The following GPATCH2 variants were observed in gnomAD, a reference collection of about 807,000 sequenced individuals.
The protein encoded by GPATCH2 is G-patch domain containing 2, also known as G patch domain-containing protein 2.
Under a neutral mutation model 58.0 loss-of-function variants are expected in GPATCH2, and 51 were observed. The observed-to-expected ratio is 0.88, with a 90% CI of 0.70 to 1.11. GPATCH2 has a LOEUF of 1.11. Among genes scored for constraint, GPATCH2 ranks in the 50% most tolerant of loss-of-function variants. The probability of loss-of-function intolerance (pLI) is 0.00; values close to 1 mark genes in which losing one functional copy is unlikely to be tolerated. For synonymous variants in GPATCH2, 222 were observed against 218.5 expected (o/e 1.02, Z -0.14); for missense variants, 625 against 652.2 (o/e 0.96, Z 0.45).
intron 5 of GPATCH2, among the ~76,000 whole-genome samples, chr1:217,531,044 A>AAC (rs56751109): frequency 0.39 from 57,950 of 148,058 alleles, 11,230 homozygotes; most frequent in Non-Finnish European, 0.43. Flanking sequence ...CAGTTACACA[A>AAC]ACACACACAC....
intron 5 of GPATCH2, among the ~76,000 whole-genome samples, chr1:217,549,927 A>G (rs1571902176): frequency 6.6e-6 from 1 of 152,196 alleles, no homozygotes. Flanking sequence ...CAATTGCTTT[A>G]AATTATATAC....
At chr1:217,616,816 C>A (rs1030376467) in intron 2 of GPATCH2, among the ~76,000 whole-genome samples, 4 of 152,112 alleles carry the variant, frequency 2.6e-5, no homozygotes, top group Non-Finnish European at 5.9e-5. Flanking sequence ...TATATGTACA[C>A]TAATATCAAT....
rs1036325119 is a variant in GPATCH2 at position 217,449,112 on chromosome 1, G to A, written c.1366+137C>T. The stretch of plus-strand genomic sequence containing the variant: ...CATGTAATACACCCTGATACCACAT[G>A]CAAATGATTTGTTTTCATAGTTTCT... On this transcript the variant is annotated intron_variant, in intron 9 of 9. Transcript: ENST00000366935. 4.7e-6 allele frequency: 3 copies of A among 635,374 alleles called. No homozygotes were observed. In the East Asian group the frequency reaches 8.1e-5, roughly 17 times the overall value. 39.4% of individuals were successfully genotyped at this position (635,374 alleles called of 1,614,324 possible). A position where few individuals can be genotyped will look rare whatever the true frequency, so the allele number is the denominator to read the frequency against.
chr1:217,584,992 A>T (rs1667269879), intron 5 of GPATCH2, among the ~76,000 whole-genome samples: 1 of 152,152 alleles, frequency 6.6e-6, no homozygotes. Flanking sequence ...TATAAACTAA[A>T]GAAAGATGAG....
chr1:217,614,473 G>A (rs1668787021), intron 2 of GPATCH2, among the ~76,000 whole-genome samples: 1 of 151,998 alleles, frequency 6.6e-6, no homozygotes, highest in Non-Finnish European at 1.5e-5. Flanking sequence ...CACAATTGAT[G>A]CATTTTATCA....
intron 8 of GPATCH2, among the ~76,000 whole-genome samples, chr1:217,473,526 A>G (rs1660831363): frequency 6.6e-6 from 1 of 152,178 alleles, no homozygotes; most frequent in Admixed American, 6.5e-5. Flanking sequence ...CATGAAAATG[A>G]CAGAATGGCA....
chr1:217,547,742 A>G (rs1665136658), intron 5 of GPATCH2, among the ~76,000 whole-genome samples: 1 of 152,200 alleles, frequency 6.6e-6, no homozygotes, highest in African/African-American at 2.4e-5. Flanking sequence ...GCTGGAGGTC[A>G]TTGTCCTTAG....
intron 5 of GPATCH2, among the ~76,000 whole-genome samples, chr1:217,516,824 C>A (rs76954205): frequency 0.026 from 4,006 of 152,246 alleles, 79 homozygotes; most frequent in East Asian, 0.076. Context: ...AACGTGTTGA[C>A]AGAAGCAGAA....
chr1:217,564,644 A>G (rs946590275), intron 5 of GPATCH2, among the ~76,000 whole-genome samples: 3 of 152,206 alleles, frequency 2.0e-5, no homozygotes, highest in African/African-American at 7.2e-5. Context: ...ATGGCCAAAT[A>G]ATACAGCAGG....
chr1:217,510,274 C>T lies in GPATCH2; in HGVS notation c.1166+4548G>A, dbSNP rs116285829. On this transcript the variant is annotated intron_variant, in intron 6 of 9. Coordinates refer to ENST00000366935, the MANE Select transcript of GPATCH2 (RefSeq NM_018040.5). Reference sequence around the variant, plus strand: ...ATTATAATTGATTATAAATTATCAACATGTTGATAATTTAAAATAAAACCA... The same window carrying T: ...ATTATAATTGATTATAAATTATCAATATGTTGATAATTTAAAATAAAACCA... Among the ~76,000 whole-genome samples, 441 of 151,996 alleles carry T rather than the reference C, an allele frequency of 2.9e-3. 1 individual carries two copies. The highest frequency in any genetic ancestry group is 9.7e-3 in the African/African-American group (402 of 41,474).
chr1:217,525,120 G>A (rs1663821654), intron 5 of GPATCH2, among the ~76,000 whole-genome samples: 1 of 151,262 alleles, frequency 6.6e-6, no homozygotes, highest in East Asian at 2.0e-4. Context: ...TATATCTAAT[G>A]ATGTCAAAAG....
chr1:217,449,982 C>T (rs897655038), intron 8 of GPATCH2, among the ~76,000 whole-genome samples: 1 of 151,892 alleles, frequency 6.6e-6, no homozygotes, highest in African/African-American at 2.4e-5. Context: ...AGAAGTGGAC[C>T]TTCTGCTATT....
chr1:217,452,508 T>G (rs1473569515), intron 8 of GPATCH2, among the ~76,000 whole-genome samples: 1 of 152,222 alleles, frequency 6.6e-6, no homozygotes, highest in African/African-American at 2.4e-5. Context: ...GTTTTTGCAC[T>G]AGTTATATGT....
At chr1:217,603,775 A>T (rs1449774746) in intron 5 of GPATCH2, among the ~76,000 whole-genome samples, 1 of 151,758 alleles carries the variant, frequency 6.6e-6, no homozygotes, top group African/African-American at 2.4e-5. Context: ...GGCACATATC[A>T]CCATGCCCTG....
chr1:217,591,431 T>C (rs2102768232), intron 5 of GPATCH2, among the ~76,000 whole-genome samples: 1 of 152,256 alleles, frequency 6.6e-6, no homozygotes, highest in South Asian at 2.1e-4. Flanking sequence ...TTTCTGTCTC[T>C]AGGATGAATT....
chr1:217,539,646 T>C (rs2102641264), intron 5 of GPATCH2, among the ~76,000 whole-genome samples: 1 of 152,328 alleles, frequency 6.6e-6, no homozygotes, highest in South Asian at 2.1e-4. Context: ...GTCAACATTG[T>C]AATCAGTTCT....
intron 9 of GPATCH2, among the ~76,000 whole-genome samples, chr1:217,444,326 C>G (rs1266490497): frequency 6.6e-6 from 1 of 152,130 alleles, no homozygotes; most frequent in Non-Finnish European, 1.5e-5. Flanking sequence ...AACGAACATG[C>G]CTTAGGTTTT....
chr1:217,560,454 A>C (rs1208539267), intron 5 of GPATCH2, among the ~76,000 whole-genome samples: 1 of 152,148 alleles, frequency 6.6e-6, no homozygotes, highest in Non-Finnish European at 1.5e-5. Flanking sequence ...TGAATGAAAA[A>C]ACCCAGTTTT....
intron 7 of GPATCH2, among the ~76,000 whole-genome samples, chr1:217,497,264 G>T (rs534886885): frequency 4.7e-4 from 72 of 152,224 alleles, no homozygotes; most frequent in African/African-American, 1.7e-3. Flanking sequence ...TCTAATTTTT[G>T]TATTGTAAAT....
Sources: allele counts gnomAD v4.1 joint callset (sites outside exome capture counted in the v4.1 genomes callset), GRCh38; gene constraint gnomAD v4.1.1; transcripts MANE v1.5; gene names NCBI Gene and HGNC (gene_info 2026-07-23, HGNC 2026-07-21).